Variants in NRG3 observed in about 807,000 individuals in gnomAD.
NRG3 encodes neuregulin 3.
In NRG3, 31 loss-of-function variants were observed where a neutral mutation model predicts 66.9. That is an observed-to-expected ratio of 0.46 (90% CI 0.35 to 0.63). NRG3 has a LOEUF of 0.63. Ranked by LOEUF, NRG3 falls within the 20% of genes least tolerant of loss-of-function variation. The probability of loss-of-function intolerance (pLI) is 0.00; values close to 1 mark genes in which losing one functional copy is unlikely to be tolerated. For synonymous variants in NRG3, 393 were observed against 359.4 expected, an observed-to-expected ratio of 1.09 and a Z score of -1.06; for missense variants, 910 against 878.9, an observed-to-expected ratio of 1.04 and a Z score of -0.45.
At chr10:82,305,725 T>C (rs955438106) in intron 1 of NRG3, among the ~76,000 whole-genome samples, 2 of 152,194 alleles carry the variant, frequency 1.3e-5, no homozygotes, top group African/African-American at 4.8e-5. Flanking sequence ...GAATTCAGCA[T>C]ATTCATTATA....
At chr10:82,629,105 C>T (rs866334669) in intron 2 of NRG3, among the ~76,000 whole-genome samples, 2 of 152,130 alleles carry the variant, frequency 1.3e-5, no homozygotes, top group Non-Finnish European at 2.9e-5. Flanking sequence ...AATCAGTTAG[C>T]ATGCATACTA....
intron 1 of NRG3, among the ~76,000 whole-genome samples, chr10:82,309,608 G>A (rs1279662313): frequency 1.3e-5 from 2 of 152,180 alleles, no homozygotes; most frequent in African/African-American, 4.8e-5. Context: ...GCAGGGAAAA[G>A]AGGGTAGACA....
At chr10:82,347,263 T>G (rs1285220856) in intron 1 of NRG3, among the ~76,000 whole-genome samples, 5 of 149,792 alleles carry the variant, frequency 3.3e-5, no homozygotes, top group South Asian at 2.1e-4. Flanking sequence ...TCTGGTATGT[T>G]GTGTCTTTGT....
chr10:82,344,206 CT>C (rs2082852409), intron 1 of NRG3, among the ~76,000 whole-genome samples: 2 of 148,910 alleles, frequency 1.3e-5, no homozygotes, highest in African/African-American at 5.2e-5. Context: ...AATGCTATCC[CT>C]CCCCGCTCCC....
intron 2 of NRG3, among the ~76,000 whole-genome samples, chr10:82,577,050 A>G (rs2046073091): frequency 6.6e-6 from 1 of 151,590 alleles, no homozygotes; most frequent in Non-Finnish European, 1.5e-5. Context: ...TCTAATTTCT[A>G]CTTTTTTTGG....
intron 1 of NRG3, among the ~76,000 whole-genome samples, chr10:82,154,901 G>T (rs1458169618): frequency 6.6e-6 from 1 of 151,650 alleles, no homozygotes; most frequent in Non-Finnish European, 1.5e-5. Flanking sequence ...TGTTGATTTT[G>T]TAACCTACAA....
Position 82,949,110 on chromosome 10 carries a change from G to A in NRG3, c.1055-2359G>A, listed in dbSNP as rs910381033. Among the ~76,000 whole-genome samples the A allele has an allele frequency of 2.6e-4, 40 of 152,000 alleles. 1 individual carries two copies. The highest frequency in any genetic ancestry group is 6.6e-5 in the Admixed American group (1 of 15,238). ...AGTTTTAATCAAGAATGAATATTAA[G>A]TTTGGCTATGTTTTTGCCTCTGATC... On this transcript the variant is annotated intron_variant, in intron 4 of 8. Transcript: ENST00000372141.
intron 4 of NRG3, among the ~76,000 whole-genome samples, chr10:82,932,421 A>G (rs531704294): frequency 6.6e-6 from 1 of 152,340 alleles, no homozygotes; most frequent in East Asian, 1.9e-4. Context: ...ATGTTATGCT[A>G]GAAGTTATTG....
At chr10:82,359,000 A>G (rs1179219063) in intron 2 of NRG3, 132 bp downstream of exon 2, 2 of 1,299,014 alleles carry the variant, frequency 1.5e-6, no homozygotes, top group African/African-American at 2.9e-5. Context: ...CAGAATTGCG[A>G]GTCTTAATTT....
At chr10:82,515,269 G>A (rs989644503) in intron 2 of NRG3, among the ~76,000 whole-genome samples, 10 of 151,956 alleles carry the variant, frequency 6.6e-5, no homozygotes, top group East Asian at 1.9e-4. Context: ...ACAACAACAC[G>A]CACAAAATAA....
At chr10:82,772,547 A>G (rs2059752501) in intron 3 of NRG3, among the ~76,000 whole-genome samples, 1 of 151,650 alleles carries the variant, frequency 6.6e-6, no homozygotes, top group African/African-American at 2.4e-5. Context: ...TTTTTTTTCC[A>G]AATATTCCAC....
intron 1 of NRG3, among the ~76,000 whole-genome samples, chr10:81,915,496 G>GTT (rs78693924): frequency 6.9e-5 from 9 of 130,704 alleles, no homozygotes; most frequent in Non-Finnish European, 6.3e-5. Context: ...CACTTCTTTA[G>GTT]TTTTTTTTTT....
intron 1 of NRG3, among the ~76,000 whole-genome samples, chr10:82,248,297 A>G (rs1157213013): frequency 2.0e-5 from 3 of 152,118 alleles, no homozygotes; most frequent in Admixed American, 2.0e-4. Flanking sequence ...CCTTTGTGAG[A>G]GCTTCTTGGT....
intron 2 of NRG3, among the ~76,000 whole-genome samples, chr10:82,594,657 C>G (rs1303832086): frequency 2.0e-5 from 3 of 152,038 alleles, no homozygotes; most frequent in Non-Finnish European, 4.4e-5. Context: ...TATTTTTTAT[C>G]TTTTACAATT....
intron 2 of NRG3, among the ~76,000 whole-genome samples, chr10:82,461,239 C>A (rs1334378410): frequency 6.6e-6 from 1 of 151,548 alleles, no homozygotes; most frequent in Non-Finnish European, 1.5e-5. Context: ...CCACCACCAC[C>A]ACCACCACTG....
chr10:82,189,605 C>T (rs952868561), intron 1 of NRG3, among the ~76,000 whole-genome samples: 5 of 152,026 alleles, frequency 3.3e-5, no homozygotes, highest in African/African-American at 1.2e-4. Context: ...GTCTGGCCAG[C>T]GTGGTAAAGC....
At chr10:82,755,139 A>G (rs1019813058) in intron 3 of NRG3, among the ~76,000 whole-genome samples, 1 of 152,106 alleles carries the variant, frequency 6.6e-6, no homozygotes, top group African/African-American at 2.4e-5. Context: ...TGTTCCCTTC[A>G]TAACAAACAT....
intron 1 of NRG3, among the ~76,000 whole-genome samples, chr10:82,246,302 C>A (rs1214484335): frequency 2.0e-5 from 3 of 152,140 alleles, no homozygotes; most frequent in Non-Finnish European, 2.9e-5. Context: ...TCACATACTG[C>A]AAAATGCTTG....
chr10:82,220,956 C>T (rs1490211843), intron 1 of NRG3, among the ~76,000 whole-genome samples: 1 of 152,084 alleles, frequency 6.6e-6, no homozygotes, highest in Admixed American at 6.5e-5. Context: ...CACATGCCAG[C>T]CTGGGTGACA....
Sources: gnomAD v4.1 joint callset for allele counts (sites outside exome capture counted in the v4.1 genomes callset) on GRCh38, gnomAD v4.1.1 for gene constraint, MANE v1.5 for transcripts, NCBI Gene and HGNC (gene_info 2026-07-23, HGNC 2026-07-21) for gene names.